The following PRELID2 variants were observed in gnomAD, a reference collection of about 807,000 sequenced individuals.
The protein encoded by PRELID2 is PRELI domain-containing protein 2.
PRELID2 carries 25 observed loss-of-function variants against 28.4 expected under a neutral mutation model. The ratio of observed to expected loss-of-function variants is 0.88; its 90% CI spans 0.64 to 1.23. PRELID2 has a LOEUF of 1.23. PRELID2 is among the 50% of genes most tolerant of loss of function. The pLI is 0.00. For missense variants in PRELID2, 201 were observed against 214.4 expected (o/e 0.94, Z 0.39); for synonymous variants, 76 against 71.6 (o/e 1.06, Z -0.31).
chr5:145,685,822 G>A (rs370628290), intron 1 of PRELID2, among the ~76,000 whole-genome samples: 16 of 152,136 alleles, frequency 1.1e-4, no homozygotes, highest in African/African-American at 3.9e-4. Flanking sequence ...ACCTAGAAGA[G>A]AAGGTAAACA....
the PRELID2 span, among the ~76,000 whole-genome samples, chr5:145,342,450 A>G: frequency 6.6e-6 from 1 of 152,156 alleles, no homozygotes; most frequent in African/African-American, 2.4e-5. Flanking sequence ...CAACCAGTAA[A>G]CAATTAAAAA....
intron 1 of PRELID2, among the ~76,000 whole-genome samples, chr5:145,536,457 G>A (rs1014286486): frequency 7.9e-5 from 12 of 151,910 alleles, no homozygotes; most frequent in African/African-American, 2.7e-4. Context: ...AGTTCAAAAT[G>A]CAGCTGCCAA....
At chr5:145,586,101 T>C (rs1024768850) in intron 1 of PRELID2, among the ~76,000 whole-genome samples, 1 of 152,064 alleles carries the variant, frequency 6.6e-6, no homozygotes, top group African/African-American at 2.4e-5. Context: ...AGCAGATTTC[T>C]TATAAGAAAA....
At chr5:145,592,886 G>A (rs11953390) in intron 1 of PRELID2, among the ~76,000 whole-genome samples, 27,458 of 152,120 alleles carry the variant, frequency 0.18, 4,171 homozygotes, top group African/African-American at 0.41. Flanking sequence ...GGCACCAATA[G>A]TTTGACTACA....
At chr5:145,445,630 G>GGATTAAT in the PRELID2 span, among the ~76,000 whole-genome samples, 1 of 151,608 alleles carries the variant, frequency 6.6e-6, no homozygotes, top group South Asian at 2.1e-4. Flanking sequence ...ATCCAACAGG[G>GGATTAAT]GATTAATATC....
At chr5:145,265,985 G>A in the PRELID2 span, among the ~76,000 whole-genome samples, 39 of 152,224 alleles carry the variant, frequency 2.6e-4, no homozygotes, top group African/African-American at 7.2e-4. Flanking sequence ...AAACTAAAAA[G>A]CTTCTGCACA....
the PRELID2 span, among the ~76,000 whole-genome samples, chr5:145,360,163 A>C: frequency 1.3e-5 from 2 of 152,136 alleles, no homozygotes. Flanking sequence ...TATTGGCCAG[A>C]ATGGAAAGAA....
intron 1 of PRELID2, among the ~76,000 whole-genome samples, chr5:145,725,063 G>T (rs2149720853): frequency 6.6e-6 from 1 of 151,788 alleles, no homozygotes; most frequent in Admixed American, 6.6e-5. Flanking sequence ...TTTTAAATGT[G>T]GATCTCTGTT....
intron 1 of PRELID2, among the ~76,000 whole-genome samples, chr5:145,539,625 A>T (rs1026830546): frequency 1.3e-5 from 2 of 151,994 alleles, no homozygotes; most frequent in Admixed American, 6.6e-5. Context: ...GCACAAATAC[A>T]TTATAAAAAT....
At chr5:145,618,800 G>A (rs1354029972) in intron 1 of PRELID2, among the ~76,000 whole-genome samples, 1 of 152,142 alleles carries the variant, frequency 6.6e-6, no homozygotes, top group Non-Finnish European at 1.5e-5. Flanking sequence ...AGGACCATCA[G>A]GTGGGGACAA....
At chr5:145,274,616 C>T in the PRELID2 span, among the ~76,000 whole-genome samples, 1 of 151,998 alleles carries the variant, frequency 6.6e-6, no homozygotes, top group Non-Finnish European at 1.5e-5. Flanking sequence ...ATAAATAATG[C>T]TAGTAAAGAC....
Position 145,564,951 on chromosome 5 carries a change from C to T in PRELID2, n.71-91636G>A, listed in dbSNP as rs574398835. Among the ~76,000 whole-genome samples the T allele has an allele frequency of 3.3e-4, 51 of 152,310 alleles. No individual in the cohort carries two copies. The South Asian group carries it at 4.1e-3, about 12-fold the overall frequency. On this transcript the variant is annotated intron_variant and non_coding_transcript_variant, in intron 1 of 2. Transcript: ENST00000510259. ...GCTTCCCGGATGAAGTGACACCCCACCCTGCTTCGGCTCACCCTCCGTGGG... is the reference window on the plus strand; with the variant it reads ...GCTTCCCGGATGAAGTGACACCCCATCCTGCTTCGGCTCACCCTCCGTGGG...
intron 1 of PRELID2, among the ~76,000 whole-genome samples, chr5:145,549,569 C>T (rs779656319): frequency 5.5e-4 from 84 of 151,946 alleles, no homozygotes; most frequent in Non-Finnish European, 8.8e-4. Context: ...CCGAGGCGGA[C>T]GGAGCACGAG....
chr5:145,563,249 C>T (rs1476451376), intron 1 of PRELID2, among the ~76,000 whole-genome samples: 1 of 152,148 alleles, frequency 6.6e-6, no homozygotes, highest in African/African-American at 2.4e-5. Flanking sequence ...TTGAATGATG[C>T]TAGCCAGGAA....
At chr5:145,609,366 T>A (rs1753574345) in intron 1 of PRELID2, among the ~76,000 whole-genome samples, 1 of 152,252 alleles carries the variant, frequency 6.6e-6, no homozygotes. Context: ...TAAGTTCCCG[T>A]GCTGGTTCTT....
chr5:145,698,985 C>T (rs1420058800), intron 1 of PRELID2, among the ~76,000 whole-genome samples: 3 of 152,176 alleles, frequency 2.0e-5, no homozygotes, highest in African/African-American at 7.2e-5. Context: ...CCTCAGCCTC[C>T]CAAAGTGCTG....
At chr5:145,407,962 A>G in the PRELID2 span, among the ~76,000 whole-genome samples, 1 of 152,076 alleles carries the variant, frequency 6.6e-6, no homozygotes, top group African/African-American at 2.4e-5. Flanking sequence ...CTGAAGATGA[A>G]TCACATCACA....
At chr5:145,620,361 C>T (rs1753757338) in intron 1 of PRELID2, among the ~76,000 whole-genome samples, 1 of 152,104 alleles carries the variant, frequency 6.6e-6, no homozygotes, top group African/African-American at 2.4e-5. Flanking sequence ...ACAGAATGTG[C>T]AACACTAAGA....
the PRELID2 span, among the ~76,000 whole-genome samples, chr5:145,296,640 C>T: frequency 3.7e-3 from 558 of 152,142 alleles, 1 homozygote; most frequent in South Asian, 0.015. Flanking sequence ...TGAATAGTGC[C>T]GCAATAAACA....
Sources: allele counts gnomAD v4.1 joint callset (sites outside exome capture counted in the v4.1 genomes callset), GRCh38; gene constraint gnomAD v4.1.1; transcripts MANE v1.5; gene names NCBI Gene and HGNC (gene_info 2026-07-23, HGNC 2026-07-21).